The following LRBA variants were observed in gnomAD, a reference collection of about 807,000 sequenced individuals.
LRBA encodes the protein lipopolysaccharide-responsive and beige-like anchor protein.
LRBA carries 176 observed loss-of-function variants against 330.0 expected under a neutral mutation model. The observed-to-expected ratio is 0.53, with a 90% CI of 0.47 to 0.60. The LOEUF (loss-of-function observed/expected upper bound fraction) is 0.60, where lower values mean the gene tolerates loss of function less well. LRBA is among the 20% of genes least tolerant of loss of function. LRBA has a pLI of 0.00. For synonymous variants in LRBA, 1,230 were observed against 1,193.0 expected (o/e 1.03, Z -0.64); for missense variants, 3,259 against 3,444.8 (o/e 0.95, Z 1.35).
chr4:150,777,739 G>T (rs1251218670), intron 34 of LRBA, among the ~76,000 whole-genome samples: 1 of 151,914 alleles, frequency 6.6e-6, no homozygotes, highest in Non-Finnish European at 1.5e-5. Context: ...CAGCACTCTG[G>T]GAGGCCAAGG....
chr4:150,396,250 C>G lies in LRBA; in HGVS notation c.7194+19188G>C, dbSNP rs1478378866. 1.3e-5 allele frequency among the ~76,000 whole-genome samples: 2 copies of G among 152,158 alleles called. 1 individual carries two copies. Among genetic ancestry groups the G allele is most frequent in the Non-Finnish European group, 2.9e-5 (2 of 68,040 alleles). On this transcript the variant is annotated intron_variant, in intron 47 of 56. Transcript: ENST00000651943. ...CTCTTGCCCTTAGGCATTAGAGCTCCTGGTCTGTGAGTCTTCAGACTCAGG... is the reference window on the plus strand; with the variant it reads ...CTCTTGCCCTTAGGCATTAGAGCTCGTGGTCTGTGAGTCTTCAGACTCAGG...
At position 150,325,666 on chromosome 4, in the gene LRBA, G is replaced by C; in HGVS notation, c.7452+143C>G. 3 of 624,350 alleles carry C rather than the reference G, an allele frequency of 4.8e-6. No homozygotes were observed. The South Asian group carries it at 6.0e-5, about 12-fold the overall frequency. 38.7% of individuals were successfully genotyped at this position (624,350 alleles called of 1,614,324 possible). A position where few individuals can be genotyped will look rare whatever the true frequency, so the allele number is the denominator to read the frequency against. On this transcript the variant is annotated intron_variant, in intron 49 of 56. Transcript: ENST00000651943. ...AGGAGACAATGCAATAACATCTGCT[G>C]GTTGTTAGCAGGTTAACAAATATTG...
intron 42 of LRBA, among the ~76,000 whole-genome samples, chr4:150,485,758 C>T (rs1268496421): frequency 6.6e-6 from 1 of 151,882 alleles, no homozygotes; most frequent in African/African-American, 2.4e-5. Context: ...TTTAAGCCAC[C>T]CAATTTGTGG....
At chr4:150,740,067 T>G (rs1354779199) in intron 35 of LRBA, among the ~76,000 whole-genome samples, 1 of 152,080 alleles carries the variant, frequency 6.6e-6, no homozygotes, top group Admixed American at 6.6e-5. Flanking sequence ...TCATTTCATG[T>G]CTAAAAATTA....
chr4:150,771,182 T>C (rs1175930974), intron 34 of LRBA, among the ~76,000 whole-genome samples: 2 of 152,182 alleles, frequency 1.3e-5, no homozygotes, highest in Non-Finnish European at 2.9e-5. Flanking sequence ...ACTTTTGCTA[T>C]TGGGTCACTA....
intron 41 of LRBA, among the ~76,000 whole-genome samples, chr4:150,489,049 A>ATATATAATAT: frequency 9.2e-6 from 1 of 108,956 alleles, no homozygotes; most frequent in Non-Finnish European, 1.7e-5. Context: ...ATAATATATT[A>ATATATAATAT]TATATAAGAA....
At chr4:150,559,895 T>TATATAAA (rs112865295) in intron 40 of LRBA, among the ~76,000 whole-genome samples, 1 of 43,394 alleles carries the variant, frequency 2.3e-5, no homozygotes, top group Non-Finnish European at 4.3e-5. Context: ...TTATATATAA[T>TATATAAA]TATATATAAT....
chr4:150,757,685 A>C (rs1033833358), intron 35 of LRBA, among the ~76,000 whole-genome samples: 12 of 152,196 alleles, frequency 7.9e-5, no homozygotes, highest in African/African-American at 2.9e-4. Context: ...CAAGGCACTA[A>C]ATATTTATAA....
At chr4:150,408,247 A>G (rs887024497) in intron 47 of LRBA, among the ~76,000 whole-genome samples, 8 of 152,140 alleles carry the variant, frequency 5.3e-5, no homozygotes, top group Admixed American at 5.2e-4. Flanking sequence ...TAAAATGATA[A>G]TAAGTCATAC....
intron 40 of LRBA, among the ~76,000 whole-genome samples, chr4:150,564,855 G>T (rs149224988): frequency 1.1e-3 from 163 of 152,200 alleles, no homozygotes; most frequent in African/African-American, 3.8e-3. Flanking sequence ...AGTCAGAATG[G>T]CGATCATTAA....
intron 37 of LRBA, among the ~76,000 whole-genome samples, chr4:150,656,738 G>A (rs569198602): frequency 4.6e-5 from 7 of 152,082 alleles, no homozygotes; most frequent in Non-Finnish European, 7.3e-5. Context: ...GACCCATGAA[G>A]GCAGGAAATT....
intron 2 of LRBA, among the ~76,000 whole-genome samples, chr4:150,953,114 G>A (rs1364216087): frequency 2.0e-5 from 3 of 152,238 alleles, no homozygotes; most frequent in Middle Eastern, 3.4e-3. Flanking sequence ...TCTGAAGAGC[G>A]TATCTGAAGA....
chr4:150,321,464 A>G lies in LRBA; in HGVS notation c.7453-96T>C, dbSNP rs1414179549. ...ACAAGAAAGAGAGGGGGTGCAGGAA[A>G]AGAAGAGGAAGACCATATTAACATG... On this transcript the variant is annotated intron_variant, in intron 49 of 56. Coordinates refer to ENST00000651943, the MANE Select transcript of LRBA (RefSeq NM_001364905.1). This position sits in a 1 kb window ranked among gnomAD's most constrained non-coding sequence, Gnocchi z 4.5. 1 of 1,004,082 alleles carries G rather than the reference A, an allele frequency of 1.0e-6. No homozygotes were observed. The highest frequency in any genetic ancestry group is 1.4e-6 in the Non-Finnish European group (1 of 700,102). 62.2% of individuals were successfully genotyped at this position (1,004,082 alleles called of 1,614,324 possible). A position where few individuals can be genotyped will look rare whatever the true frequency, so the allele number is the denominator to read the frequency against.
At chr4:150,947,170 T>C (rs942020409) in intron 2 of LRBA, among the ~76,000 whole-genome samples, 2 of 151,606 alleles carry the variant, frequency 1.3e-5, no homozygotes, top group African/African-American at 4.8e-5. Flanking sequence ...CAATTTTAAA[T>C]TTCTCAATCC....
intron 42 of LRBA, among the ~76,000 whole-genome samples, chr4:150,479,674 G>A (rs139291712): frequency 4.9e-4 from 75 of 152,258 alleles, no homozygotes; most frequent in African/African-American, 1.6e-3. Flanking sequence ...ACTTGTAAAT[G>A]AATACAATGT....
intron 37 of LRBA, among the ~76,000 whole-genome samples, chr4:150,638,965 A>G (rs1778211887): frequency 1.1e-5 from 1 of 87,472 alleles, no homozygotes; most frequent in Non-Finnish European, 2.2e-5. Context: ...AATGTCCAAC[A>G]ATGATAGACT....
At position 150,606,838 on chromosome 4, in the gene LRBA, T is replaced by A. The variant is rs1316158891; in HGVS notation, c.5922-7707A>T. 2.0e-5 allele frequency among the ~76,000 whole-genome samples: 3 copies of A among 152,352 alleles called. No homozygotes were observed. In the East Asian group the frequency reaches 5.8e-4, roughly 29 times the overall value. On this transcript the variant is annotated intron_variant, in intron 37 of 56. Transcript: ENST00000651943. ...ACTCAGGATTTCATTAAGATTTCAATGAGGATCTATTTTGTAAGTTACATG... is the reference window on the plus strand; with the variant it reads ...ACTCAGGATTTCATTAAGATTTCAAAGAGGATCTATTTTGTAAGTTACATG...
intron 37 of LRBA, among the ~76,000 whole-genome samples, chr4:150,645,412 A>G (rs923392906): frequency 2.0e-4 from 30 of 151,920 alleles, no homozygotes; most frequent in Non-Finnish European, 5.9e-5. Flanking sequence ...AAGTTACTTT[A>G]TATACTTTTC....
Position 150,970,563 on chromosome 4 carries a change from AC to A in LRBA, c.217-41499del, listed in dbSNP as rs1481413183. The A allele has an allele frequency of 2.1e-3, 232 of 108,262 alleles. 4 individuals are homozygous for A. The highest frequency in any genetic ancestry group is 0.01 in the African/African-American group (225 of 21,790). The allele number at this position is 108,262 out of a possible 1,614,324, so 6.7% of individuals were successfully genotyped here. On this transcript the variant is annotated intron_variant, in intron 2 of 56. Coordinates refer to ENST00000651943, the MANE Select transcript of LRBA (RefSeq NM_001364905.1). The stretch of plus-strand genomic sequence containing the variant: ...TGTGTGTGTGTGTGTGTGTACACAC[AC>A]ACACACACACACACACACACACAAA...
Sources: gnomAD v4.1 joint callset for allele counts (sites outside exome capture counted in the v4.1 genomes callset) on GRCh38, gnomAD v4.1.1 for gene constraint, Gnocchi (gnomAD v3.1) non-coding constraint, MANE v1.5 for transcripts, NCBI Gene and HGNC (gene_info 2026-07-23, HGNC 2026-07-21) for gene names.